The following CNTNAP5 variants were observed in gnomAD, a reference collection of about 807,000 sequenced individuals.
The protein encoded by CNTNAP5 is contactin associated protein family member 5, also known as contactin-associated protein-like 5.
CNTNAP5 carries 72 observed loss-of-function variants against 150.2 expected under a neutral mutation model. The observed-to-expected ratio is 0.48, with a 90% CI of 0.40 to 0.58. The LOEUF is 0.58. Ranked by LOEUF, CNTNAP5 falls within the 20% of genes least tolerant of loss-of-function variation. The pLI, the probability that CNTNAP5 is intolerant of heterozygous loss-of-function variation, is 0.00. For missense variants in CNTNAP5, 1,636 were observed against 1,626.2 expected (o/e 1.01, Z -0.10); for synonymous variants, 672 against 619.8 (o/e 1.08, Z -1.25).
chr2:124,526,082 T>G (rs1257612726), intron 9 of CNTNAP5, among the ~76,000 whole-genome samples: 1 of 152,186 alleles, frequency 6.6e-6, no homozygotes, highest in East Asian at 1.9e-4. Context: ...GAGGGAAATG[T>G]TTGTAAATAA....
intron 1 of CNTNAP5, among the ~76,000 whole-genome samples, chr2:124,106,950 A>AG (rs966690185): frequency 3.0e-4 from 45 of 152,250 alleles, no homozygotes; most frequent in African/African-American, 1.1e-3. Flanking sequence ...GATTGGTGTG[A>AG]GGGAAAAAAA....
intron 3 of CNTNAP5, 62 bp from the exon 4 acceptor site, chr2:124,417,381 T>C (rs1691945946): frequency 1.9e-6 from 3 of 1,553,194 alleles, no homozygotes; most frequent in Non-Finnish European, 2.6e-6. Flanking sequence ...GTAACAAATA[T>C]GGTTTTCCAC....
At chr2:124,880,872 T>C (rs1481603069) in intron 21 of CNTNAP5, among the ~76,000 whole-genome samples, 2 of 152,120 alleles carry the variant, frequency 1.3e-5, no homozygotes, top group African/African-American at 4.8e-5. Flanking sequence ...CAGAATGTTA[T>C]TGTGTGGAAG....
At chr2:124,241,516 A>G (rs941350510) in intron 2 of CNTNAP5, among the ~76,000 whole-genome samples, 12 of 152,140 alleles carry the variant, frequency 7.9e-5, no homozygotes, top group African/African-American at 2.9e-4. Flanking sequence ...CTCCTGAGGC[A>G]TTCTGTGCTC....
At chr2:124,364,503 T>C (rs1690314005) in intron 3 of CNTNAP5, among the ~76,000 whole-genome samples, 1 of 152,166 alleles carries the variant, frequency 6.6e-6, no homozygotes, top group Admixed American at 6.5e-5. Context: ...TGCCTAAACT[T>C]CTGCTAGTCA....
intron 21 of CNTNAP5, among the ~76,000 whole-genome samples, chr2:124,891,168 G>A (rs1043645130): frequency 6.6e-6 from 1 of 152,050 alleles, no homozygotes; most frequent in Non-Finnish European, 1.5e-5. Context: ...CAGTTGCTAG[G>A]TGATATATGG....
chr2:124,184,931 A>G (rs1685299510), intron 1 of CNTNAP5, among the ~76,000 whole-genome samples: 1 of 152,108 alleles, frequency 6.6e-6, no homozygotes, highest in African/African-American at 2.4e-5. Flanking sequence ...GGAAACAAAG[A>G]CCCACTGCAT....
At chr2:124,557,003 T>G (rs4848938) in intron 10 of CNTNAP5, among the ~76,000 whole-genome samples, 148,066 of 151,158 alleles carry the variant, frequency 0.98, 72,594 homozygotes, top group East Asian at 1. Flanking sequence ...TCTCCTGCCT[T>G]CCCCCCCGCT....
intron 13 of CNTNAP5, among the ~76,000 whole-genome samples, chr2:124,665,895 A>G (rs1239343942): frequency 4.0e-5 from 6 of 151,894 alleles, no homozygotes; most frequent in Admixed American, 2.6e-4. Flanking sequence ...CAAAAAAAAA[A>G]AAAATTATAC....
intron 13 of CNTNAP5, among the ~76,000 whole-genome samples, chr2:124,739,016 T>C (rs2105135772): frequency 6.6e-6 from 1 of 152,328 alleles, no homozygotes; most frequent in Non-Finnish European, 1.5e-5. Flanking sequence ...GTCCATCTCT[T>C]TGTCTAACCA....
rs1475951692 is a variant in CNTNAP5, at chr2:124,920,233, G to A, written c.*5945G>A. Among the ~76,000 whole-genome samples the A allele has an allele frequency of 1.3e-5, 2 of 152,118 alleles. No individual in the cohort carries two copies. The highest frequency in any genetic ancestry group is 4.8e-5 in the African/African-American group (2 of 41,432). On this transcript the variant is annotated 3_prime_UTR_variant, in exon 24 of 24. Transcript: ENST00000682447. ...GAGTGTCATAGTCTTACATGCTTCA[G>A]ATGCCAGAAATATCTTCAGAGAACG...
At chr2:124,266,192 T>TA (rs1687602869) in intron 3 of CNTNAP5, among the ~76,000 whole-genome samples, 1 of 152,168 alleles carries the variant, frequency 6.6e-6, no homozygotes, top group Non-Finnish European at 1.5e-5. Context: ...TGGCCATTGA[T>TA]ATTACTTTTA....
At chr2:124,158,782 C>G (rs1423362411) in intron 1 of CNTNAP5, among the ~76,000 whole-genome samples, 1 of 152,174 alleles carries the variant, frequency 6.6e-6, no homozygotes, top group Non-Finnish European at 1.5e-5. Flanking sequence ...GGTGCACTTC[C>G]TCTTACCAAG....
chr2:124,902,932 G>A lies in CNTNAP5; in HGVS notation c.3487G>A (p.Ala1163Thr), dbSNP rs1242586248. 6.2e-7 allele frequency: 1 copy of A among 1,612,716 alleles called. No homozygotes were observed. Among genetic ancestry groups the A allele is most frequent in the African/African-American group, 1.3e-5 (1 of 74,918 alleles). ...TGCTAAAGCAAATGCCATGGGTTTT[G>A]CTGGATGCATGTCTTCCGTCCAGTA... is the stretch of plus-strand genomic sequence containing the variant. ...EVAKANAMGF[A>T]GCMSSVQYNH... Residue 1163 changes from alanine to threonine, a missense_variant, in exon 22 of 24, where the codon GCT (alanine) becomes ACT (threonine). Physicochemically the swap from Ala to Thr is moderately conservative, Grantham distance 58. Transcript: ENST00000682447.
intron 3 of CNTNAP5, among the ~76,000 whole-genome samples, chr2:124,317,084 A>G (rs916127960): frequency 6.6e-6 from 1 of 152,142 alleles, no homozygotes; most frequent in African/African-American, 2.4e-5. Flanking sequence ...GCAGCACGCC[A>G]TTATTCACAC....
rs72980450 is a variant in CNTNAP5, at chr2:124,788,059, T to A, written c.2753-1843T>A. ...AAGGCCTGTGTGTGGCTTTCACTCA[T>A]CCATATGTGTAGACTTGAGCCTGAA... On this transcript the variant is annotated intron_variant, in intron 17 of 23. Transcript: ENST00000682447. Among the ~76,000 whole-genome samples, 639 of 152,320 alleles carry A rather than the reference T, an allele frequency of 4.2e-3. 4 individuals are homozygous for A. Among genetic ancestry groups the A allele is most frequent in the African/African-American group, 0.015 (615 of 41,566 alleles).
At chr2:124,439,057 AT>A (rs1291319402) in intron 5 of CNTNAP5, among the ~76,000 whole-genome samples, 8 of 152,332 alleles carry the variant, frequency 5.3e-5, no homozygotes, top group African/African-American at 1.9e-4. Context: ...AATAAAAATT[AT>A]AAAACAATTC....
intron 3 of CNTNAP5, among the ~76,000 whole-genome samples, chr2:124,296,214 C>G (rs1388364168): frequency 6.6e-6 from 1 of 152,048 alleles, no homozygotes; most frequent in African/African-American, 2.4e-5. Flanking sequence ...AGAAAATCAC[C>G]CTTGAAATTC....
chr2:124,400,306 T>C (rs996863798), intron 3 of CNTNAP5, among the ~76,000 whole-genome samples: 1 of 151,942 alleles, frequency 6.6e-6, no homozygotes, highest in Admixed American at 6.6e-5. Context: ...GTGATAAATG[T>C]AGGAAGGAAA....
Sources: allele counts gnomAD v4.1 joint callset (sites outside exome capture counted in the v4.1 genomes callset), GRCh38; gene constraint gnomAD v4.1.1; transcripts MANE v1.5; gene names NCBI Gene and HGNC (gene_info 2026-07-23, HGNC 2026-07-21).